The following MAPK10 variants were observed in gnomAD, a reference collection of about 807,000 sequenced individuals.
MAPK10 encodes mitogen-activated protein kinase 10, also known as JNK3 alpha protein kinase.
Under a neutral mutation model 59.3 loss-of-function variants are expected in MAPK10, and 25 were observed. The observed-to-expected ratio is 0.42, with a 90% CI of 0.31 to 0.59. The LOEUF is 0.59. Among genes scored for constraint, MAPK10 ranks in the 20% least tolerant of loss-of-function variants. MAPK10 has a pLI of 0.15. For synonymous variants in MAPK10, 190 were observed against 200.5 expected, an observed-to-expected ratio of 0.95 and a Z score of 0.44; for missense variants, 351 against 568.9, an observed-to-expected ratio of 0.62 and a Z score of 3.90.
chr4:86,138,080 A>T (rs1298819479), intron 4 of MAPK10, among the ~76,000 whole-genome samples: 21 of 110,744 alleles, frequency 1.9e-4, no homozygotes, highest in African/African-American at 3.8e-4. Context: ...GACCAGATGG[A>T]TTCACAGCCG....
At chr4:86,155,889 A>G (rs928649674) in intron 4 of MAPK10, among the ~76,000 whole-genome samples, 18 of 152,034 alleles carry the variant, frequency 1.2e-4, no homozygotes, top group African/African-American at 3.4e-4. Flanking sequence ...AAGCACTGCA[A>G]TATTGCAACA....
rs1258916502 is a variant in MAPK10, at chr4:86,077,764, T to C, written c.803-9809A>G. ...TTTATCTCTAAATTATTAGCTATGTTCTTAAAGACAATATTGCCTAATAGC... is the reference window on the plus strand; with the variant it reads ...TTTATCTCTAAATTATTAGCTATGTCCTTAAAGACAATATTGCCTAATAGC... On this transcript the variant is annotated intron_variant, in intron 9 of 13. Coordinates refer to ENST00000641462, the MANE Select transcript of MAPK10 (RefSeq NM_138982.4). 2.6e-5 allele frequency among the ~76,000 whole-genome samples: 4 copies of C among 152,224 alleles called. No individual in the cohort carries two copies. In the South Asian group the frequency reaches 6.2e-4, roughly 24 times the overall value.
At chr4:86,278,664 T>C (rs1364383995) in intron 2 of MAPK10, among the ~76,000 whole-genome samples, 1 of 152,098 alleles carries the variant, frequency 6.6e-6, no homozygotes, top group Non-Finnish European at 1.5e-5. Flanking sequence ...AATAAACATA[T>C]AGTCACCTTA....
chr4:86,355,590 A>T (rs17011819), intron 1 of MAPK10, among the ~76,000 whole-genome samples: 1 of 152,032 alleles, frequency 6.6e-6, no homozygotes, highest in African/African-American at 2.4e-5. Flanking sequence ...CAGTTTCCCA[A>T]TTTTTTCTAC....
At chr4:86,172,374 C>G (rs2074459268) in intron 3 of MAPK10, among the ~76,000 whole-genome samples, 1 of 149,406 alleles carries the variant, frequency 6.7e-6, no homozygotes, top group Non-Finnish European at 1.5e-5. Context: ...CACATATACA[C>G]CATGGAATAC....
At chr4:86,201,577 T>A (rs1296169177) in intron 2 of MAPK10, among the ~76,000 whole-genome samples, 1 of 151,904 alleles carries the variant, frequency 6.6e-6, no homozygotes, top group Non-Finnish European at 1.5e-5. Context: ...AAATGCTTTA[T>A]CTATTCCAGA....
intron 9 of MAPK10, among the ~76,000 whole-genome samples, chr4:86,096,056 T>C (rs1024631165): frequency 2.0e-5 from 3 of 151,674 alleles, no homozygotes; most frequent in Non-Finnish European, 4.4e-5. Flanking sequence ...TTATCACATA[T>C]GGCACTAGGC....
intron 2 of MAPK10, among the ~76,000 whole-genome samples, chr4:86,197,624 C>T (rs139264896): frequency 1.3e-5 from 2 of 152,162 alleles, no homozygotes; most frequent in African/African-American, 4.8e-5. Context: ...ATACTGGAGA[C>T]ACTGCATAAA....
At chr4:86,510,618 T>G (rs1033047978) in intron 1 of MAPK10, among the ~76,000 whole-genome samples, 12 of 152,118 alleles carry the variant, frequency 7.9e-5, no homozygotes, top group African/African-American at 2.4e-4. Flanking sequence ...TATACATGAA[T>G]ATATCTATAT....
intron 2 of MAPK10, among the ~76,000 whole-genome samples, chr4:86,312,361 C>T (rs1167210384): frequency 1.3e-5 from 2 of 151,996 alleles, no homozygotes; most frequent in Non-Finnish European, 2.9e-5. Context: ...ATTTTTATTA[C>T]GTGTGACTAG....
intron 2 of MAPK10, among the ~76,000 whole-genome samples, chr4:86,204,979 C>CGGT (rs1563073422): frequency 6.6e-6 from 1 of 151,888 alleles, no homozygotes; most frequent in Non-Finnish European, 1.5e-5. Flanking sequence ...TCAACACAAA[C>CGGT]AATTCTACAA....
At chr4:86,580,219 C>T (rs1762169017) in intron 1 of MAPK10, among the ~76,000 whole-genome samples, 1 of 152,114 alleles carries the variant, frequency 6.6e-6, no homozygotes, top group African/African-American at 2.4e-5. Context: ...TAAAAGTTGG[C>T]CGGACGCTGT....
chr4:86,500,125 G>A (rs2869442), intron 1 of MAPK10, among the ~76,000 whole-genome samples: 7,367 of 152,208 alleles, frequency 0.048, 236 homozygotes, highest in African/African-American at 0.061. Context: ...GAATTACCCA[G>A]ATTGTCTGAT....
chr4:86,098,819 T>C (rs567197012), intron 8 of MAPK10: 5 of 449,648 alleles, frequency 1.1e-5, no homozygotes, highest in African/African-American at 9.8e-5. Flanking sequence ...CATTACTTTG[T>C]GGGTGCCTTA....
intron 4 of MAPK10, among the ~76,000 whole-genome samples, chr4:86,120,787 A>C (rs1434018213): frequency 6.6e-6 from 1 of 152,130 alleles, no homozygotes; most frequent in Non-Finnish European, 1.5e-5. Flanking sequence ...GTAAGCTGAA[A>C]ACTTGGGAAA....
chr4:86,081,676 GTAAC>G (rs1166561922), intron 9 of MAPK10: 2 of 152,000 alleles, frequency 1.3e-5, no homozygotes, highest in Admixed American at 1.3e-4. Flanking sequence ...CAAGGGATTG[GTAAC>G]AAATTTAAAA....
At chr4:86,128,030 A>ATT (rs2060349851) in intron 4 of MAPK10, among the ~76,000 whole-genome samples, 1 of 152,116 alleles carries the variant, frequency 6.6e-6, no homozygotes, top group African/African-American at 2.4e-5. Context: ...AGTAAGTTTT[A>ATT]TTATATATAT....
chr4:86,489,481 A>G (rs184651329), intron 1 of MAPK10, among the ~76,000 whole-genome samples: 1 of 152,306 alleles, frequency 6.6e-6, no homozygotes, highest in Admixed American at 6.5e-5. Context: ...AATATGAATT[A>G]GTGATGTAAT....
At chr4:86,087,425 A>G (rs780986288) in intron 9 of MAPK10, among the ~76,000 whole-genome samples, 1 of 152,176 alleles carries the variant, frequency 6.6e-6, no homozygotes, top group East Asian at 1.9e-4. Flanking sequence ...TTCATTGGGA[A>G]TAAAAGAAGT....
Sources: allele counts gnomAD v4.1 joint callset (sites outside exome capture counted in the v4.1 genomes callset), GRCh38; gene constraint gnomAD v4.1.1; transcripts MANE v1.5; gene names NCBI Gene and HGNC (gene_info 2026-07-23, HGNC 2026-07-21).